OLFM3: variants seen among roughly 807,000 people sequenced by gnomAD.
OLFM3 encodes noelin-3.
Under a neutral mutation model 48.6 loss-of-function variants are expected in OLFM3, and 20 were observed. The observed-to-expected ratio is 0.41, with a 90% CI of 0.29 to 0.60. OLFM3 has a LOEUF of 0.60. OLFM3 is among the 20% of genes least tolerant of loss of function. The pLI is 0.28. For missense variants in OLFM3, 437 were observed against 544.3 expected, an observed-to-expected ratio of 0.80 and a Z score of 1.96; for synonymous variants, 222 against 198.1, an observed-to-expected ratio of 1.12 and a Z score of -1.01.
rs140874118 is a variant in OLFM3 at position 101,851,226 on chromosome 1, G to T, written c.70-14201C>A. Among the ~76,000 whole-genome samples, 552 of 152,184 alleles carry T rather than the reference G, an allele frequency of 3.6e-3. 6 individuals are homozygous for T. Among genetic ancestry groups the T allele is most frequent in the African/African-American group, 0.013 (523 of 41,548 alleles). On this transcript the variant is annotated intron_variant, in intron 1 of 5. Transcript: ENST00000370103. Reference sequence around the variant, plus strand: ...AAGCAGTTTAGTGGATAGTCCTCCAGATTCTTCCACTTACTAGAAAGATAC... The same window carrying T: ...AAGCAGTTTAGTGGATAGTCCTCCATATTCTTCCACTTACTAGAAAGATAC...
At chr1:101,857,524 T>C (rs926801115) in intron 1 of OLFM3, among the ~76,000 whole-genome samples, 5 of 151,840 alleles carry the variant, frequency 3.3e-5, no homozygotes, top group African/African-American at 1.2e-4. Context: ...TGAGGAGTGT[T>C]AATATATTTA....
At chr1:101,842,043 C>T (rs1441943443) in intron 1 of OLFM3, among the ~76,000 whole-genome samples, 2 of 152,070 alleles carry the variant, frequency 1.3e-5, no homozygotes, top group Admixed American at 6.6e-5. Flanking sequence ...CGACAGACCA[C>T]GCCAAAAGAA....
intron 1 of OLFM3, among the ~76,000 whole-genome samples, chr1:101,911,144 T>C (rs547140948): frequency 1.3e-5 from 2 of 152,278 alleles, no homozygotes; most frequent in East Asian, 3.9e-4. Flanking sequence ...AGGAGCTCAG[T>C]GGTACCCTTT....
At chr1:101,961,803 T>C (rs1287722715) in intron 1 of OLFM3, among the ~76,000 whole-genome samples, 2 of 152,082 alleles carry the variant, frequency 1.3e-5, no homozygotes, top group African/African-American at 4.8e-5. Flanking sequence ...TCACAAGAGG[T>C]AAGTTACACA....
chr1:101,884,328 T>A (rs1241958581), intron 1 of OLFM3, among the ~76,000 whole-genome samples: 1 of 152,024 alleles, frequency 6.6e-6, no homozygotes, highest in Non-Finnish European at 1.5e-5. Flanking sequence ...CCAAAGAGAT[T>A]GACTTTAAAA....
chr1:101,804,822 T>G lies in OLFM3; in HGVS notation c.793A>C (p.Asn265His). The change falls in exon 6 of 6, where the codon AAC becomes CAC. Residue 265 changes from asparagine (N) to histidine (H), a missense_variant. By Grantham distance (68) the Asn-to-His change is moderately conservative (BLOSUM62 1). This residue lies in a region of OLFM3 where 314 missense variants were observed against 365.5 expected (regional missense o/e 0.86). Transcript: ENST00000370103. The surrounding 1 kb of genome is among the most constrained non-coding windows in gnomAD (Gnocchi z 4.5). Reference sequence around the variant, plus strand: ...GTTCCTGCCCACTTGAAAGGAAGGTTGTATGTCCTTGATTCAGCCCCACTG... The same window carrying G: ...GTTCCTGCCCACTTGAAAGGAAGGTGGTATGTCCTTGATTCAGCCCCACTG... The part of the protein sequence containing the change: ...FVSGAESRTY[N>H]LPFKWAGTNH... 2 of 1,612,580 alleles carry G rather than the reference T, an allele frequency of 1.2e-6. No homozygotes were observed. Among genetic ancestry groups the G allele is most frequent in the Non-Finnish European group, 1.7e-6 (2 of 1,179,056 alleles).
chr1:101,896,820 G>A (rs547775662), intron 1 of OLFM3, among the ~76,000 whole-genome samples: 3 of 151,672 alleles, frequency 2.0e-5, no homozygotes, highest in African/African-American at 7.3e-5. Flanking sequence ...TATCTGAACT[G>A]ATGCATAACT....
At chr1:101,840,135 C>T (rs756744621) in intron 1 of OLFM3, among the ~76,000 whole-genome samples, 9 of 151,734 alleles carry the variant, frequency 5.9e-5, no homozygotes, top group Admixed American at 4.6e-4. Context: ...GATGGAAGGA[C>T]GTATTTAGAA....
chr1:101,824,915 C>T lies in OLFM3; in HGVS notation c.592+111G>A, dbSNP rs1654784725. 27 of 930,556 alleles carry T rather than the reference C, an allele frequency of 2.9e-5. No individual in the cohort carries two copies. The South Asian group carries it at 3.2e-4, about 11-fold the overall frequency. The allele number at this position is 930,556 out of a possible 1,614,324, so 57.6% of individuals were successfully genotyped here. On this transcript the variant is annotated intron_variant, in intron 4 of 5. Coordinates refer to ENST00000370103, the MANE Select transcript of OLFM3 (RefSeq NM_058170.4). Reference sequence around the variant, plus strand: ...ACACTTCACACTTAGAAAATGGGCTCTGATTTCTTTACAATTAGATATTTT... The same window carrying T: ...ACACTTCACACTTAGAAAATGGGCTTTGATTTCTTTACAATTAGATATTTT...
At chr1:101,926,246 T>C (rs961462393) in intron 1 of OLFM3, among the ~76,000 whole-genome samples, 1 of 152,202 alleles carries the variant, frequency 6.6e-6, no homozygotes, top group Non-Finnish European at 1.5e-5. Context: ...GCTTATCTTC[T>C]TTCTTTCTAC....
At chr1:101,988,014 C>T (rs1363724125) in intron 1 of OLFM3, among the ~76,000 whole-genome samples, 1 of 151,866 alleles carries the variant, frequency 6.6e-6, no homozygotes, top group Non-Finnish European at 1.5e-5. Flanking sequence ...GATGGTGGTG[C>T]TATGTTCTTG....
At chr1:101,915,027 C>A (rs985107567) in intron 1 of OLFM3, among the ~76,000 whole-genome samples, 1 of 152,106 alleles carries the variant, frequency 6.6e-6, no homozygotes, top group African/African-American at 2.4e-5. Context: ...GTAAAGTCAG[C>A]AAACATTAAC....
chr1:101,974,946 G>C (rs1487230159), intron 1 of OLFM3, among the ~76,000 whole-genome samples: 1 of 152,088 alleles, frequency 6.6e-6, no homozygotes, highest in Non-Finnish European at 1.5e-5. Context: ...TCATAAAAGA[G>C]ATGTCAGAAA....
chr1:101,973,668 G>A (rs564278447), intron 1 of OLFM3, among the ~76,000 whole-genome samples: 1 of 152,272 alleles, frequency 6.6e-6, no homozygotes, highest in African/African-American at 2.4e-5. Flanking sequence ...GAGAGTTAAA[G>A]AGTAGAACAA....
At chr1:101,981,370 T>C (rs1385694983) in intron 1 of OLFM3, among the ~76,000 whole-genome samples, 1 of 152,218 alleles carries the variant, frequency 6.6e-6, no homozygotes, top group African/African-American at 2.4e-5. Context: ...AAAACAAATC[T>C]CTCATGTATC....
At chr1:101,904,135 T>C (rs191143561) in intron 1 of OLFM3, among the ~76,000 whole-genome samples, 26 of 152,180 alleles carry the variant, frequency 1.7e-4, no homozygotes, top group Admixed American at 1.4e-3. Flanking sequence ...ATCCTTATAG[T>C]TTGCCAAGTT....
Position 101,802,741 on chromosome 1 carries a change from T to C in OLFM3, c.*1497A>G, listed in dbSNP as rs572763403. On this transcript the variant is annotated 3_prime_UTR_variant, in exon 6 of 6. Coordinates refer to ENST00000370103, the MANE Select transcript of OLFM3 (RefSeq NM_058170.4). ...TCTTTCAAAGAAAATCATGGTACTATGTATGTGTGAAACTAAACATTTAAA... is the reference window on the plus strand; with the variant it reads ...TCTTTCAAAGAAAATCATGGTACTACGTATGTGTGAAACTAAACATTTAAA... 2.5e-4 allele frequency: 38 copies of C among 151,796 alleles called. No individual in the cohort carries two copies. The highest frequency in any genetic ancestry group is 8.7e-4 in the African/African-American group (36 of 41,502). The allele number at this position is 151,796 out of a possible 1,614,324, so 9.4% of individuals were successfully genotyped here.
chr1:101,932,095 C>T (rs1047072049), intron 1 of OLFM3, among the ~76,000 whole-genome samples: 1 of 152,046 alleles, frequency 6.6e-6, no homozygotes, highest in Non-Finnish European at 1.5e-5. Context: ...ATTTTTTCCC[C>T]CTGCTATACT....
chr1:101,915,275 G>A (rs927332181), intron 1 of OLFM3, among the ~76,000 whole-genome samples: 23 of 151,790 alleles, frequency 1.5e-4, no homozygotes, highest in African/African-American at 5.1e-4. Context: ...TTAACCAGTG[G>A]GAATTATTAT....
Sources: allele counts gnomAD v4.1 joint callset (sites outside exome capture counted in the v4.1 genomes callset), GRCh38; gene constraint gnomAD v4.1.1; regional missense constraint gnomAD v4.1.1; non-coding constraint Gnocchi (gnomAD v3.1); transcripts MANE v1.5; gene names NCBI Gene and HGNC (gene_info 2026-07-23, HGNC 2026-07-21).